The following GCNT2 variants were observed in gnomAD, a reference collection of about 807,000 sequenced individuals.
GCNT2 encodes the protein glucosaminyl (N-acetyl) transferase 2 (I blood group), also known as N-acetyllactosaminide beta-1,6-N-acetylglucosaminyl-transferase.
In GCNT2, 34 loss-of-function variants were observed where a neutral mutation model predicts 34.2. The observed-to-expected ratio is 1.00, with a 90% CI of 0.76 to 1.32. GCNT2 has a LOEUF of 1.32. GCNT2 is among the 40% of genes most tolerant of loss of function. The probability of loss-of-function intolerance (pLI) is 0.00; values close to 1 mark genes in which losing one functional copy is unlikely to be tolerated. For missense variants in GCNT2, 584 were observed against 489.4 expected, an observed-to-expected ratio of 1.19 and a Z score of -1.82; for synonymous variants, 212 against 188.0, an observed-to-expected ratio of 1.13 and a Z score of -1.04.
intron 3 of GCNT2, among the ~76,000 whole-genome samples, chr6:10,609,149 G>A (rs1219275110): frequency 1.3e-5 from 2 of 152,146 alleles, no homozygotes; most frequent in African/African-American, 4.8e-5. Flanking sequence ...AGGTGTCTTA[G>A]TTTATTTTCT....
At chr6:10,577,154 G>T (rs1213554657) in intron 3 of GCNT2, among the ~76,000 whole-genome samples, 3 of 152,220 alleles carry the variant, frequency 2.0e-5, no homozygotes, top group Non-Finnish European at 2.9e-5. Context: ...TGTGACTTTG[G>T]CCTAGCAACT....
intron 3 of GCNT2, among the ~76,000 whole-genome samples, chr6:10,532,663 C>T (rs565100314): frequency 1.3e-5 from 2 of 152,252 alleles, no homozygotes; most frequent in South Asian, 4.1e-4. Context: ...GAGACGAGGT[C>T]CTGCTGTGTT....
chr6:10,556,254 A>C, intron 3 of GCNT2: 2 of 1,471,102 alleles, frequency 1.4e-6, no homozygotes, highest in Non-Finnish European at 1.8e-6. Flanking sequence ...GCACAGGGAC[A>C]GAGACAGCAG....
chr6:10,571,987 G>A (rs572644052), intron 3 of GCNT2, among the ~76,000 whole-genome samples: 8 of 152,258 alleles, frequency 5.3e-5, no homozygotes, highest in Non-Finnish European at 1.0e-4. Context: ...AATACCTTCA[G>A]TAGTAATTGT....
At chr6:10,602,326 A>G (rs73434953) in intron 3 of GCNT2, among the ~76,000 whole-genome samples, 4,662 of 152,242 alleles carry the variant, frequency 0.031, 226 homozygotes, top group African/African-American at 0.11. Context: ...GACACGTCCA[A>G]GATTAACAGT....
chr6:10,617,364 C>G (rs1034842773), intron 3 of GCNT2, among the ~76,000 whole-genome samples: 2 of 152,222 alleles, frequency 1.3e-5, no homozygotes, highest in African/African-American at 4.8e-5. Context: ...CCGGCAAGCG[C>G]TGCGCGCAGC....
chr6:10,542,385 T>C (rs940306085), intron 3 of GCNT2, among the ~76,000 whole-genome samples: 3 of 150,348 alleles, frequency 2.0e-5, no homozygotes, highest in Non-Finnish European at 4.4e-5. Flanking sequence ...TTATGACATA[T>C]AATTTACATA....
intron 3 of GCNT2, among the ~76,000 whole-genome samples, chr6:10,552,402 C>T (rs917936228): frequency 2.6e-5 from 4 of 152,040 alleles, no homozygotes; most frequent in Non-Finnish European, 5.9e-5. Flanking sequence ...CAACCAACCT[C>T]AGCACTCTGT....
At chr6:10,582,166 AAT>A (rs1194055835) in intron 3 of GCNT2, among the ~76,000 whole-genome samples, 1 of 133,128 alleles carries the variant, frequency 7.5e-6, no homozygotes, top group Non-Finnish European at 1.5e-5. Context: ...ATGTGTATAA[AAT>A]ATTTTATATA....
chr6:10,565,149 G>C (rs1763220739), intron 3 of GCNT2, among the ~76,000 whole-genome samples: 1 of 152,216 alleles, frequency 6.6e-6, no homozygotes. Context: ...AGCCAGAAAA[G>C]CAGCCCGTGT....
chr6:10,600,281 A>G (rs1469819182), intron 3 of GCNT2, among the ~76,000 whole-genome samples: 2 of 152,190 alleles, frequency 1.3e-5, no homozygotes, highest in African/African-American at 2.4e-5. Flanking sequence ...GTGCATATCA[A>G]TATTACATCA....
intron 3 of GCNT2, among the ~76,000 whole-genome samples, chr6:10,585,032 AGTGTGTGTGTGTGTGTGTGT>A (rs57538079): frequency 4.2e-4 from 54 of 127,532 alleles, no homozygotes; most frequent in African/African-American, 1.4e-3. Context: ...TCCCATAGTC[AGTGTGTGTGTGTGTGTGTGT>A]GTGTGTGTGT....
intron 3 of GCNT2, among the ~76,000 whole-genome samples, chr6:10,562,678 CAAAAAAAAA>C (rs1763056659): frequency 9.5e-6 from 1 of 105,070 alleles, no homozygotes; most frequent in Admixed American, 9.5e-5. Flanking sequence ...AAAAAAAAAA[CAAAAAAAAA>C]CCCACAAAAA....
At position 10,537,723 on chromosome 6, in the gene GCNT2, AAAAC is replaced by A. The variant is rs1312653964; in HGVS notation, c.925+7891_925+7894del. Among the ~76,000 whole-genome samples the A allele has an allele frequency of 4.3e-3, 564 of 131,164 alleles. 21 individuals are homozygous for A. Among genetic ancestry groups the A allele is most frequent in the Middle Eastern group, 8.1e-3 (2 of 246 alleles). 86.0% of individuals were successfully genotyped at this position (131,164 alleles called of 152,430 possible). ...CAAAAAAAAAAAAAAAAAAAAAAAA[AAAAC>A]AAAACAAAGAAAACGAAAGAAAATG... On this transcript the variant is annotated intron_variant, in intron 3 of 4. Coordinates refer to ENST00000495262, the MANE Select transcript of GCNT2 (RefSeq NM_145649.5).
intron 3 of GCNT2, among the ~76,000 whole-genome samples, chr6:10,534,641 C>T (rs1397757022): frequency 6.6e-6 from 1 of 152,090 alleles, no homozygotes; most frequent in Non-Finnish European, 1.5e-5. Flanking sequence ...ACCAGGGTGG[C>T]AGGGTCATGT....
intron 2 of GCNT2, 144 bp downstream of exon 2, chr6:10,527,804 CTG>C (rs1268547398): frequency 6.6e-6 from 1 of 152,136 alleles, no homozygotes; most frequent in Non-Finnish European, 1.5e-5. Flanking sequence ...GCGATGGACT[CTG>C]TATATGTTAT....
rs1761349066 is a variant in GCNT2, at chr6:10,529,185, G to C, written c.274G>C (p.Glu92Gln). Residue 92 changes from glutamate to glutamine, a missense_variant, in exon 3 of 5, where the codon GAG becomes CAG. Physicochemically the swap from Glu to Gln is conservative, Grantham distance 29. Coordinates refer to ENST00000495262, the MANE Select transcript of GCNT2 (RefSeq NM_145649.5). ...TGTAACAGAAACACTCTCTGAAGAA[G>C]AGGCTGGGTTCCCTTTAGCTTACAC... ...HYVTETLSEE[E>Q]AGFPLAYTVT... 2 of 1,614,058 alleles carry C rather than the reference G, an allele frequency of 1.2e-6. No individual in the cohort carries two copies. Among genetic ancestry groups the C allele is most frequent in the South Asian group, 2.2e-5 (2 of 91,084 alleles).
rs1369824836 is a variant in GCNT2, at chr6:10,556,329, T to A, written c.925+26493T>A. The stretch of plus-strand genomic sequence containing the variant: ...TCCAACAGGGCAGGAGTGAGTGGAG[T>A]ATGTTGCAAAATAAGAACTCAGAGA... On this transcript the variant is annotated intron_variant, in intron 3 of 4. Coordinates refer to ENST00000495262, the MANE Select transcript of GCNT2 (RefSeq NM_145649.5). 5 of 1,590,916 alleles carry A rather than the reference T, an allele frequency of 3.1e-6. No homozygotes were observed. In the African/African-American group the frequency reaches 6.7e-5, roughly 21 times the overall value.
Position 10,562,301 on chromosome 6 carries a change from C to G in GCNT2, c.925+32465C>G, listed in dbSNP as rs117197995. Among the ~76,000 whole-genome samples, 1,260 of 152,268 alleles carry G rather than the reference C, an allele frequency of 8.3e-3. 48 individuals are homozygous for G. In the East Asian group the frequency reaches 0.094, roughly 11 times the overall value. On this transcript the variant is annotated intron_variant, in intron 3 of 4. Coordinates refer to ENST00000495262, the MANE Select transcript of GCNT2 (RefSeq NM_145649.5). ...ATCAGGCAAATTCTCCCCAGAAAGC[C>G]AGAAGTAGCTCCAAGTGTACTTGCT...
Sources: allele counts gnomAD v4.1 joint callset (sites outside exome capture counted in the v4.1 genomes callset), GRCh38; gene constraint gnomAD v4.1.1; transcripts MANE v1.5; gene names NCBI Gene and HGNC (gene_info 2026-07-23, HGNC 2026-07-21).